Variants in TMEM132D observed in about 807,000 individuals in gnomAD.
The protein encoded by TMEM132D is mature OL transmembrane protein.
Under a neutral mutation model 62.3 loss-of-function variants are expected in TMEM132D, and 21 were observed. The observed-to-expected ratio is 0.34, with a 90% CI of 0.24 to 0.49. The LOEUF is 0.49. Ranked by LOEUF, TMEM132D falls within the 20% of genes least tolerant of loss-of-function variation. TMEM132D has a pLI of 0.99. For synonymous variants in TMEM132D, 621 were observed against 575.6 expected (o/e 1.08, Z -1.13); for missense variants, 1,346 against 1,402.8 (o/e 0.96, Z 0.65).
chr12:129,520,612 A>G (rs1202802252), intron 3 of TMEM132D, among the ~76,000 whole-genome samples: 6 of 152,228 alleles, frequency 3.9e-5, no homozygotes, highest in African/African-American at 1.4e-4. Flanking sequence ...TTATTGTCAG[A>G]GTTTCAGGAA....
chr12:129,101,423 G>T (rs1400499469), intron 5 of TMEM132D, among the ~76,000 whole-genome samples: 1 of 152,158 alleles, frequency 6.6e-6, no homozygotes, highest in Non-Finnish European at 1.5e-5. Context: ...CCAGTTACTG[G>T]AGTCCCCACC....
intron 2 of TMEM132D, among the ~76,000 whole-genome samples, chr12:129,531,598 G>T (rs1037527410): frequency 2.6e-5 from 4 of 152,044 alleles, no homozygotes; most frequent in Non-Finnish European, 5.9e-5. Context: ...AAATAAGAAC[G>T]CACATTCATT....
At chr12:129,557,209 C>A (rs575873637) in intron 2 of TMEM132D, among the ~76,000 whole-genome samples, 2 of 152,158 alleles carry the variant, frequency 1.3e-5, no homozygotes, top group South Asian at 2.1e-4. Flanking sequence ...TCTATTTTTA[C>A]GTTCAAATAT....
chr12:129,584,534 G>A (rs1877965789), intron 2 of TMEM132D, among the ~76,000 whole-genome samples: 1 of 152,180 alleles, frequency 6.6e-6, no homozygotes, highest in Non-Finnish European at 1.5e-5. Context: ...TTTGGCCTCT[G>A]GTTCGTGGCA....
At chr12:129,389,029 C>T (rs1163357069) in intron 3 of TMEM132D, among the ~76,000 whole-genome samples, 1 of 113,670 alleles carries the variant, frequency 8.8e-6, no homozygotes, top group Admixed American at 8.3e-5. Context: ...ACCAATCCAG[C>T]ACGATAATAA....
intron 4 of TMEM132D, among the ~76,000 whole-genome samples, chr12:129,290,524 A>T (rs1881423036): frequency 6.6e-6 from 1 of 152,366 alleles, no homozygotes; most frequent in South Asian, 2.1e-4. Context: ...TTGCAAAACA[A>T]CAGCTACAGA....
At chr12:129,134,360 G>A (rs2220292) in intron 5 of TMEM132D, among the ~76,000 whole-genome samples, 7,468 of 152,254 alleles carry the variant, frequency 0.049, 385 homozygotes, top group East Asian at 0.26. Flanking sequence ...TAAGGACATG[G>A]TTACAGACAA....
At chr12:129,431,630 T>G (rs904293421) in intron 3 of TMEM132D, among the ~76,000 whole-genome samples, 3 of 152,220 alleles carry the variant, frequency 2.0e-5, no homozygotes, top group Non-Finnish European at 2.9e-5. Flanking sequence ...CTGCTCATGC[T>G]GCTTCTACCT....
At chr12:129,103,804 G>A (rs908049359) in intron 5 of TMEM132D, among the ~76,000 whole-genome samples, 3 of 146,198 alleles carry the variant, frequency 2.1e-5, no homozygotes, top group Non-Finnish European at 4.6e-5. Context: ...GCTTCAAAGA[G>A]AATAAAATAC....
intron 3 of TMEM132D, among the ~76,000 whole-genome samples, chr12:129,490,910 T>A (rs990005954): frequency 1.3e-5 from 2 of 152,078 alleles, no homozygotes; most frequent in African/African-American, 4.8e-5. Context: ...TCTTTAATCA[T>A]TTACATTTCC....
chr12:129,443,143 T>A (rs1872989055), intron 3 of TMEM132D, among the ~76,000 whole-genome samples: 1 of 152,046 alleles, frequency 6.6e-6, no homozygotes. Context: ...TCCTGCCTCT[T>A]TCCAATCCGG....
chr12:129,538,187 G>A (rs981883156), intron 2 of TMEM132D, among the ~76,000 whole-genome samples: 1 of 152,118 alleles, frequency 6.6e-6, no homozygotes, highest in Non-Finnish European at 1.5e-5. Context: ...AAGATACAAG[G>A]AAGAAAGCAA....
At chr12:129,883,205 C>A (rs1443956440) in intron 1 of TMEM132D, among the ~76,000 whole-genome samples, 1 of 152,078 alleles carries the variant, frequency 6.6e-6, no homozygotes, top group East Asian at 1.9e-4. Context: ...GGTCAACATA[C>A]AAAACTCAAT....
intron 3 of TMEM132D, among the ~76,000 whole-genome samples, chr12:129,376,315 T>G (rs1870778646): frequency 6.6e-6 from 1 of 152,094 alleles, no homozygotes; most frequent in South Asian, 2.1e-4. Context: ...AAACTTAAAA[T>G]CATGGCAGAA....
chr12:129,324,324 C>T (rs1168642095), intron 4 of TMEM132D, among the ~76,000 whole-genome samples: 6 of 152,194 alleles, frequency 3.9e-5, no homozygotes, highest in Non-Finnish European at 8.8e-5. Flanking sequence ...ATTCTGATTT[C>T]TGCATAAACC....
intron 1 of TMEM132D, among the ~76,000 whole-genome samples, chr12:129,762,842 G>A (rs1870428295): frequency 6.6e-6 from 1 of 152,112 alleles, no homozygotes; most frequent in Non-Finnish European, 1.5e-5. Context: ...AATATGTTTT[G>A]TACCACCCGT....
intron 5 of TMEM132D, among the ~76,000 whole-genome samples, chr12:129,099,858 C>T (rs1875242719): frequency 1.4e-5 from 2 of 140,366 alleles, no homozygotes; most frequent in Non-Finnish European, 3.0e-5. Context: ...CGGAGTCTCG[C>T]TCTGTCGCCC....
chr12:129,131,940 T>G (rs11060153), intron 5 of TMEM132D, among the ~76,000 whole-genome samples: 53,118 of 151,970 alleles, frequency 0.35, 9,615 homozygotes, highest in Middle Eastern at 0.52. Context: ...GGTAAACTTT[T>G]AGATAGGCTT....
intron 4 of TMEM132D, among the ~76,000 whole-genome samples, chr12:129,270,805 C>T (rs957752562): frequency 1.7e-4 from 26 of 152,340 alleles, no homozygotes; most frequent in African/African-American, 6.0e-4. Context: ...AATCAGTGCT[C>T]ATCCTCCAAT....
Sources: allele counts gnomAD v4.1 joint callset (sites outside exome capture counted in the v4.1 genomes callset), GRCh38; gene constraint gnomAD v4.1.1; transcripts MANE v1.5; gene names NCBI Gene and HGNC (gene_info 2026-07-23, HGNC 2026-07-21).